Variants in TLCD3B observed in about 807,000 individuals in gnomAD.
TLCD3B encodes the protein TLC domain containing 3B.
TLCD3B carries 9 observed loss-of-function variants against 23.0 expected under a neutral mutation model. The observed-to-expected ratio is 0.39, with a 90% confidence interval of 0.24 to 0.68. The LOEUF is 0.68. Ranked by LOEUF, TLCD3B falls within the 30% of genes least tolerant of loss-of-function variation. The pLI, the probability that TLCD3B is intolerant of heterozygous loss-of-function variation, is 0.44. For missense variants in TLCD3B, 307 were observed against 371.8 expected (o/e 0.83, Z 1.43); for synonymous variants, 161 against 161.0 (o/e 1.00, Z 0.00).
At chr16:30,040,150 ATATAT>A (rs2071557075) in intron 3 of TLCD3B, among the ~76,000 whole-genome samples, 6 of 117,240 alleles carry the variant, frequency 5.1e-5, no homozygotes, top group Admixed American at 3.8e-4. Flanking sequence ...AAAAAAAAAT[ATATAT>A]ATATATATAT....
intron 1 of TLCD3B, chr16:30,052,763 T>C (rs925437496): frequency 2.6e-5 from 4 of 151,942 alleles, no homozygotes; most frequent in African/African-American, 9.7e-5. Flanking sequence ...AAAAGTAGCA[T>C]TGATGTTTAC....
intron 2 of TLCD3B, among the ~76,000 whole-genome samples, chr16:30,041,507 T>C (rs920465114): frequency 3.9e-5 from 6 of 152,236 alleles, no homozygotes; most frequent in Non-Finnish European, 7.4e-5. Flanking sequence ...TCAAGTGAGC[T>C]GCCCGCCTTG....
intron 2 of TLCD3B, among the ~76,000 whole-genome samples, chr16:30,043,516 C>T (rs1567309649): frequency 1.1e-4 from 16 of 151,994 alleles, no homozygotes; most frequent in Non-Finnish European, 1.5e-5. Context: ...GCACAAATCA[C>T]GTGTCAGGTG....
At chr16:30,036,575 G>A in intron 3 of TLCD3B, 1 of 397,166 alleles carries the variant, frequency 2.5e-6, no homozygotes. Flanking sequence ...GGGAGGGCAG[G>A]AGTATGCTCT....
rs563095167 is a variant in TLCD3B, at chr16:30,029,401, C to T, written c.209+31G>A. ...TACCCGTACACGCCAACCACTGGCA[C>T]CTGGGCAGGGGGGTGTCTCGCAGCA... On this transcript the variant is annotated intron_variant, in intron 2 of 4. Coordinates refer to ENST00000380495, the MANE Select transcript of TLCD3B (RefSeq NM_031478.6). This position sits in a 1 kb window ranked among gnomAD's most constrained non-coding sequence, Gnocchi z 4.6. 21 of 1,601,630 alleles carry T rather than the reference C, an allele frequency of 1.3e-5. No individual in the cohort carries two copies. Among genetic ancestry groups the T allele is most frequent in the Non-Finnish European group, 1.7e-5 (20 of 1,169,576 alleles).
In TLCD3B at chr16:30,036,301, T is replaced by C. The variant is rs142740757; in HGVS notation, c.-66-87A>G. 1.8e-4 allele frequency: 235 copies of C among 1,289,116 alleles called. 2 individuals carry two copies. In the African/African-American group the frequency reaches 3.1e-3, roughly 17 times the overall value. 79.9% of individuals were successfully genotyped at this position (1,289,116 alleles called of 1,614,324 possible). On this transcript the variant is annotated intron_variant, in intron 3 of 6. Coordinates refer to the TLCD3B transcript ENST00000561666. ...AAAAAACAAAATAAAGCCAAAGCGATTGTTGTTCCATTAAAAAAGAAAACA... is the reference window on the plus strand; with the variant it reads ...AAAAAACAAAATAAAGCCAAAGCGACTGTTGTTCCATTAAAAAAGAAAACA...
chr16:30,032,066 C>T (rs2071374123), upstream of TLCD3B, among the ~76,000 whole-genome samples: 2 of 152,178 alleles, frequency 1.3e-5, no homozygotes, highest in Non-Finnish European at 2.9e-5. Flanking sequence ...CTACTAGCTC[C>T]CCTTTCTCTG....
chr16:30,032,489 C>G (rs1320083081), upstream of TLCD3B, among the ~76,000 whole-genome samples: 1 of 152,104 alleles, frequency 6.6e-6, no homozygotes, highest in Admixed American at 6.6e-5. Context: ...AATAGCGGAC[C>G]TAGCTCCTGT....
rs1278845629 is a variant in TLCD3B at position 30,039,101 on chromosome 16, CTCTTTTT to C, written c.-67+1887_-67+1893del. 4.1e-5 allele frequency among the ~76,000 whole-genome samples: 5 copies of C among 120,856 alleles called. 1 individual carries two copies. Among genetic ancestry groups the C allele is most frequent in the East Asian group, 2.6e-4 (1 of 3,878 alleles). 79.3% of individuals were successfully genotyped at this position (120,856 alleles called of 152,430 possible). A position where few individuals can be genotyped will look rare whatever the true frequency, so the allele number is the denominator to read the frequency against. ...ACTTATCCTTCTCCTCCTCCTTCCTCTCTTTTTTTTTTTTTTTTTTTTTTTTTTTTTT... is the reference window on the plus strand; with the variant it reads ...ACTTATCCTTCTCCTCCTCCTTCCTCTTTTTTTTTTTTTTTTTTTTTTTTT... On this transcript the variant is annotated intron_variant, in intron 3 of 6. Coordinates refer to the TLCD3B transcript ENST00000561666.
chr16:30,048,334 C>T (rs1213694731), intron 1 of TLCD3B, among the ~76,000 whole-genome samples: 6 of 151,812 alleles, frequency 4.0e-5, no homozygotes, highest in African/African-American at 1.2e-4. Flanking sequence ...TGGTCTTGAA[C>T]TCCTGGGCTC....
intron 2 of TLCD3B, among the ~76,000 whole-genome samples, chr16:30,043,154 T>C (rs182056004): frequency 6.6e-6 from 1 of 152,228 alleles, no homozygotes; most frequent in East Asian, 1.9e-4. Flanking sequence ...CCGGCAGCAA[T>C]CTAAGCCCTT....
upstream of TLCD3B, chr16:30,036,116 C>T (rs2071468551): frequency 6.4e-6 from 8 of 1,249,624 alleles, no homozygotes; most frequent in Non-Finnish European, 8.2e-6. Flanking sequence ...CCGCCCGCCG[C>T]CCACCCTAAG....
exon 1 of TLCD3B, chr16:30,052,901 C>T (rs1457481513): frequency 6.6e-6 from 1 of 152,158 alleles, no homozygotes. Flanking sequence ...CCGGTGCCTC[C>T]TCCAACGTCC....
chr16:30,041,609 C>T (rs1415896984), intron 2 of TLCD3B, among the ~76,000 whole-genome samples: 9 of 151,094 alleles, frequency 6.0e-5, no homozygotes. Context: ...GTAGTCCCAG[C>T]TACTTGGGAG....
upstream of TLCD3B, chr16:30,036,184 G>A: frequency 1.6e-6 from 2 of 1,288,866 alleles, no homozygotes; most frequent in Non-Finnish European, 2.0e-6. Flanking sequence ...AGACAGAAAG[G>A]GAGGTTGATG....
chr16:30,025,510 C>T lies in TLCD3B; in HGVS notation c.541-43G>A, dbSNP rs200499500. ...CAGTGGCCACGGCAGCAGAAGGGCT[C>T]GGCCCCCCTTGGCCCTCTCCCTGCC... On this transcript the variant is annotated intron_variant, in intron 4 of 4. Coordinates refer to ENST00000380495, the MANE Select transcript of TLCD3B (RefSeq NM_031478.6). The surrounding 1 kb of genome is among the most constrained non-coding windows in gnomAD (Gnocchi z 4.1). 5.2e-5 allele frequency: 83 copies of T among 1,604,828 alleles called. No homozygotes were observed. The highest frequency in any genetic ancestry group is 6.0e-5 in the Non-Finnish European group (71 of 1,175,994).
chr16:30,039,101 CTCTTTTTT>C (rs1008187307), intron 3 of TLCD3B, among the ~76,000 whole-genome samples: 3 of 120,856 alleles, frequency 2.5e-5, no homozygotes, highest in Non-Finnish European at 3.3e-5. Flanking sequence ...CCTCCTTCCT[CTCTTTTTT>C]TTTTTTTTTT....
intron 3 of TLCD3B, among the ~76,000 whole-genome samples, chr16:30,039,797 C>T (rs1200229238): frequency 6.6e-6 from 1 of 151,568 alleles, no homozygotes; most frequent in African/African-American, 2.4e-5. Context: ...TCTTTAGCTA[C>T]TTTATTTTCT....
At chr16:30,026,567 C>A in intron 3 of TLCD3B, 42 bp downstream of exon 3, 2 of 1,562,150 alleles carry the variant, frequency 1.3e-6, no homozygotes, top group Non-Finnish European at 8.8e-7. Flanking sequence ...GACCAAGGAG[C>A]AGGCCACCCG....
Sources: gnomAD v4.1 joint callset for allele counts (sites outside exome capture counted in the v4.1 genomes callset) on GRCh38, gnomAD v4.1.1 for gene constraint, Gnocchi (gnomAD v3.1) non-coding constraint, MANE v1.5 for transcripts, NCBI Gene and HGNC (gene_info 2026-07-23, HGNC 2026-07-21) for gene names.